The following FRAS1 variants were observed in gnomAD, a reference collection of about 807,000 sequenced individuals.
FRAS1 encodes extracellular matrix organizing protein FRAS1.
Under a neutral mutation model 435.2 loss-of-function variants are expected in FRAS1, and 290 were observed. That is an observed-to-expected ratio of 0.67 (90% CI 0.61 to 0.73). The LOEUF is 0.73. Among genes scored for constraint, FRAS1 ranks in the 30% least tolerant of loss-of-function variants. FRAS1 has a pLI of 0.00. For missense variants in FRAS1, 4,860 were observed against 5,001.5 expected (o/e 0.97, Z 0.85); for synonymous variants, 1,800 against 1,851.0 (o/e 0.97, Z 0.71).
intron 2 of FRAS1, among the ~76,000 whole-genome samples, chr4:78,183,987 A>G (rs1722166576): frequency 6.6e-6 from 1 of 152,190 alleles, no homozygotes; most frequent in Admixed American, 6.6e-5. Flanking sequence ...TCCATTGACC[A>G]GTGACGTTAG....
intron 2 of FRAS1, among the ~76,000 whole-genome samples, chr4:78,234,483 C>G (rs113820524): frequency 2.0e-5 from 3 of 152,252 alleles, no homozygotes; most frequent in African/African-American, 4.8e-5. Context: ...CCTCGGCCCC[C>G]GAAAGTGCTG....
chr4:78,334,690 G>A (rs1329003690), intron 19 of FRAS1, among the ~76,000 whole-genome samples: 1 of 151,906 alleles, frequency 6.6e-6, no homozygotes, highest in Non-Finnish European at 1.5e-5. Flanking sequence ...TTTTCTATGT[G>A]ATAAAATGTT....
chr4:78,482,437 G>T lies in FRAS1; in HGVS notation c.8654G>T (p.Gly2885Val), dbSNP rs773648567. 1 of 1,613,852 alleles carries T rather than the reference G, an allele frequency of 6.2e-7. No homozygotes were observed. Among genetic ancestry groups the T allele is most frequent in the Non-Finnish European group, 8.5e-7 (1 of 1,179,802 alleles). The change falls in exon 58 of 74, where the codon GGA becomes GTA. Residue 2885 changes from glycine (G) to valine (V), a missense_variant. Coordinates refer to ENST00000512123, the MANE Select transcript of FRAS1 (RefSeq NM_025074.7). Reference protein sequence around the residue: ...LDDTQYPVIEGLETFVVFLSS... With the variant: ...LDDTQYPVIEVLETFVVFLSS... ...GACACTCAGTATCCGGTAATTGAAG[G>T]ACTGGAGACATTTGTGGTTTTCCTC... is the stretch of plus-strand genomic sequence containing the variant.
intron 2 of FRAS1, among the ~76,000 whole-genome samples, chr4:78,192,594 T>C (rs182303810): frequency 1.2e-4 from 18 of 152,220 alleles, no homozygotes; most frequent in African/African-American, 3.9e-4. Flanking sequence ...TGGTAGTTTG[T>C]ATTTCTGTGG....
chr4:78,233,046 T>A (rs6814260), intron 2 of FRAS1, among the ~76,000 whole-genome samples: 6,740 of 152,338 alleles, frequency 0.044, 226 homozygotes, highest in Non-Finnish European at 0.068. Context: ...TAGAAGATAC[T>A]GTTTACAGTT....
At position 78,406,820 on chromosome 4, in the gene FRAS1, C is replaced by T. The variant is rs117764725; in HGVS notation, c.4130-843C>T. On this transcript the variant is annotated intron_variant, in intron 30 of 73. Coordinates refer to ENST00000512123, the MANE Select transcript of FRAS1 (RefSeq NM_025074.7). ...ACATAGGGTATAGTGGGGTGCCTGC[C>T]GTATGTCTTCCACTGTTAGCTATTA... Among the ~76,000 whole-genome samples the T allele has an allele frequency of 2.7e-3, 410 of 152,218 alleles. 4 individuals are homozygous for T. The highest frequency in any genetic ancestry group is 0.021 in the East Asian group (109 of 5,178).
At position 78,534,627 on chromosome 4, in the gene FRAS1, C is replaced by T. The variant is rs1721824419; in HGVS notation, c.11092+12C>T. On this transcript the variant is annotated intron_variant, in intron 71 of 73. Coordinates refer to ENST00000512123, the MANE Select transcript of FRAS1 (RefSeq NM_025074.7). ...AGCCTTTTCAAAAGGTGAGTTGCTT[C>T]CTCCACCTGCAGAAAGAGGCTCTGC... is the stretch of plus-strand genomic sequence containing the variant. The T allele has an allele frequency of 1.2e-6, 2 of 1,610,346 alleles. No homozygotes were observed. The highest frequency in any genetic ancestry group is 1.7e-6 in the Non-Finnish European group (2 of 1,177,812).
At position 78,537,180 on chromosome 4, in the gene FRAS1, A is replaced by C. The variant is rs1445198777; in HGVS notation, c.11278A>C (p.Lys3760Gln). Residue 3760 changes from lysine (K) to glutamine (Q), a missense_variant, in exon 72 of 74, where the codon AAA becomes CAA. Transcript: ENST00000512123. ...YGCIQPNKHL[K>Q]HRFLLLDRNQ... Reference sequence around the variant, plus strand: ...ATGCATTCAGCCAAACAAACACCTAAAACACAGATTCCTGCTGTTGGTATG... The same window carrying C: ...ATGCATTCAGCCAAACAAACACCTACAACACAGATTCCTGCTGTTGGTATG... The C allele has an allele frequency of 3.1e-6, 5 of 1,613,956 alleles. No individual in the cohort carries two copies. The South Asian group carries it at 5.5e-5, about 18-fold the overall frequency.
At chr4:78,183,242 G>A (rs1578172053) in intron 2 of FRAS1, among the ~76,000 whole-genome samples, 1 of 152,102 alleles carries the variant, frequency 6.6e-6, no homozygotes, top group African/African-American at 2.4e-5. Flanking sequence ...TGGAATGATG[G>A]GTATGGACAT....
chr4:78,080,223 C>G (rs72858775), intron 2 of FRAS1, among the ~76,000 whole-genome samples: 19,591 of 152,086 alleles, frequency 0.13, 1,328 homozygotes, highest in Middle Eastern at 0.19. Flanking sequence ...GCCTCTGCCT[C>G]GAGAAGCCTG....
At chr4:78,186,292 A>G (rs1012371258) in intron 2 of FRAS1, among the ~76,000 whole-genome samples, 5 of 151,848 alleles carry the variant, frequency 3.3e-5, no homozygotes, top group Admixed American at 6.6e-5. Flanking sequence ...CCTTGATAGG[A>G]GCCTGGGCCA....
At chr4:78,337,993 G>A in intron 20 of FRAS1, 176 bp downstream of exon 20, 9 of 594,130 alleles carry the variant, frequency 1.5e-5, no homozygotes, top group Admixed American at 2.9e-5. Flanking sequence ...AAATACTTGT[G>A]GATTTAAATA....
rs546745674 is a variant in FRAS1, at chr4:78,116,652, T to C, written c.108+50636T>C. On this transcript the variant is annotated intron_variant, in intron 2 of 73. Transcript: ENST00000512123. The stretch of plus-strand genomic sequence containing the variant: ...GTTTTATCAGAGACTAGGATTGCAA[T>C]CCCTGCCTTTTTTTGTTTTCCATTT... 2.2e-4 allele frequency among the ~76,000 whole-genome samples: 34 copies of C among 152,222 alleles called. No individual in the cohort carries two copies. In the South Asian group the frequency reaches 3.9e-3, roughly 18 times the overall value.
intron 2 of FRAS1, among the ~76,000 whole-genome samples, chr4:78,182,889 A>AAAG (rs1553927520): frequency 2.6e-5 from 2 of 76,288 alleles, no homozygotes; most frequent in African/African-American, 9.6e-5. Context: ...CAAAAAAAAG[A>AAAG]AAAAAAGAAA....
intron 20 of FRAS1, among the ~76,000 whole-genome samples, chr4:78,360,645 C>T (rs572011748): frequency 1.1e-4 from 17 of 152,022 alleles, no homozygotes; most frequent in Non-Finnish European, 2.2e-4. Flanking sequence ...GATGAGATCA[C>T]CTGGGAAGGC....
chr4:78,412,607 T>A (rs1733385588), intron 31 of FRAS1, among the ~76,000 whole-genome samples: 2 of 152,236 alleles, frequency 1.3e-5, no homozygotes, highest in Admixed American at 1.3e-4. Flanking sequence ...TACAGCAAAC[T>A]ATCATAGTAT....
chr4:78,075,861 AC>A, intron 2 of FRAS1, among the ~76,000 whole-genome samples: 1 of 152,284 alleles, frequency 6.6e-6, no homozygotes, highest in African/African-American at 2.4e-5. Context: ...GTATAAGTAA[AC>A]GCATAAGTGG....
Position 78,255,357 on chromosome 4 carries a change from G to T in FRAS1, c.585G>T (p.Gln195His), listed in dbSNP as rs930940115. 1.6e-5 allele frequency: 25 copies of T among 1,593,064 alleles called. No individual in the cohort carries two copies. The highest frequency in any genetic ancestry group is 2.1e-5 in the Non-Finnish European group (24 of 1,169,218). The change falls in exon 6 of 74, where the codon CAG becomes CAT. Residue 195 changes from glutamine to histidine, a missense_variant. Coordinates refer to ENST00000512123, the MANE Select transcript of FRAS1 (RefSeq NM_025074.7). Reference protein sequence around the residue: ...GVAQCFTAQCQPLFCNQDETV... With the variant: ...GVAQCFTAQCHPLFCNQDETV... ...CCCAGTGCTTCACAGCTCAGTGTCA[G>T]CCTCTATTTTGTAACCAGGTAAGGA...
At chr4:78,181,102 C>T (rs1169949693) in intron 2 of FRAS1, 2 of 1,564,330 alleles carry the variant, frequency 1.3e-6, no homozygotes, top group Non-Finnish European at 1.8e-6. Context: ...TAAGCCTCTT[C>T]ACTCTTTGAT....
Sources: allele counts gnomAD v4.1 joint callset (sites outside exome capture counted in the v4.1 genomes callset), GRCh38; gene constraint gnomAD v4.1.1; transcripts MANE v1.5; gene names NCBI Gene and HGNC (gene_info 2026-07-23, HGNC 2026-07-21).